TET1: variants seen among roughly 807,000 people sequenced by gnomAD.
TET1 encodes methylcytosine dioxygenase TET1.
A neutral mutation model predicts 148.7 loss-of-function variants in TET1; 13 were observed. The ratio of observed to expected loss-of-function variants is 0.09; its 90% CI spans 0.06 to 0.14. TET1 has a LOEUF of 0.14. TET1 is among the 10% of genes least tolerant of loss of function. TET1 has a pLI of 1.00. For missense variants in TET1, 2,182 were observed against 2,553.8 expected, an observed-to-expected ratio of 0.85 and a Z score of 3.14; for synonymous variants, 907 against 937.2, an observed-to-expected ratio of 0.97 and a Z score of 0.59.
At chr10:68,632,348 G>T (rs10823241) in intron 3 of TET1, 586,169 of 1,559,676 alleles carry the variant, frequency 0.38, 114,923 homozygotes, top group Non-Finnish European at 0.4. Context: ...GTGCAGGGCG[G>T]GTGGAGTCGC....
chr10:68,626,109 A>G (rs796752556), intron 3 of TET1, among the ~76,000 whole-genome samples: 1 of 9,516 alleles, frequency 1.1e-4, no homozygotes, highest in Non-Finnish European at 2.2e-4. Context: ...AAAAAAAAAA[A>G]GAAAAGAAAA....
chr10:68,633,198 C>CAA (rs2054602251), intron 3 of TET1, among the ~76,000 whole-genome samples: 4 of 151,684 alleles, frequency 2.6e-5, no homozygotes, highest in Admixed American at 2.6e-4. Flanking sequence ...AAAACAAAAA[C>CAA]AAAAAAACAA....
chr10:68,682,260 C>T (rs756857431), intron 9 of TET1, among the ~76,000 whole-genome samples: 21 of 151,278 alleles, frequency 1.4e-4, no homozygotes, highest in Admixed American at 2.6e-4. Flanking sequence ...TACAGGCATG[C>T]GCCACCACAC....
At chr10:68,676,472 A>T (rs2055364024) in intron 8 of TET1, among the ~76,000 whole-genome samples, 1 of 150,090 alleles carries the variant, frequency 6.7e-6, no homozygotes, top group Non-Finnish European at 1.5e-5. Flanking sequence ...TTTAGTAGAG[A>T]TGGGGTTTCA....
chr10:68,691,482 C>T lies in TET1; in HGVS notation c.6079C>T (p.Leu2027=). The change falls in exon 12 of 12, where the codon CTG becomes TTG. Residue 2027 remains leucine (L), a synonymous_variant. Transcript: ENST00000373644. The surrounding 1 kb of genome is among the most constrained non-coding windows in gnomAD (Gnocchi z 4.4). The part of the protein sequence containing the change: ...SVLIECARRE[L]HATTPVEHPN... ...TTTGATTGAGTGTGCCCGGCGAGAGCTGCACGCTACCACTCCTGTTGAGCA... is the reference window on the plus strand; with the variant it reads ...TTTGATTGAGTGTGCCCGGCGAGAGTTGCACGCTACCACTCCTGTTGAGCA... The T allele has an allele frequency of 6.2e-7, 1 of 1,614,078 alleles. No homozygotes were observed. Among genetic ancestry groups the T allele is most frequent in the Non-Finnish European group, 8.5e-7 (1 of 1,180,026 alleles).
At chr10:68,622,220 T>G (rs2054385675) in intron 3 of TET1, among the ~76,000 whole-genome samples, 1 of 80,524 alleles carries the variant, frequency 1.2e-5, no homozygotes, top group South Asian at 4.5e-4. Flanking sequence ...CTTCCTTCCT[T>G]CCCTCCTTCC....
intron 11 of TET1, among the ~76,000 whole-genome samples, chr10:68,688,131 C>T (rs774991641): frequency 2.6e-5 from 4 of 152,162 alleles, no homozygotes; most frequent in Non-Finnish European, 2.9e-5. Flanking sequence ...GAGTCTCACT[C>T]TGTCACCCAG....
At chr10:68,624,397 CTCCTGCCTCAG>C (rs2054421621) in intron 3 of TET1, among the ~76,000 whole-genome samples, 1 of 152,158 alleles carries the variant, frequency 6.6e-6, no homozygotes, top group South Asian at 2.1e-4. Flanking sequence ...TCAAGCAATT[CTCCTGCCTCAG>C]CCTTCCGAGT....
chr10:68,674,183 C>T (rs35576568), intron 8 of TET1, among the ~76,000 whole-genome samples: 16,034 of 151,828 alleles, frequency 0.11, 1,043 homozygotes, highest in South Asian at 0.18. Context: ...AGGCTAATCT[C>T]GAACTCCGGA....
chr10:68,663,663 A>G (rs1411528910), intron 6 of TET1, among the ~76,000 whole-genome samples: 1 of 152,264 alleles, frequency 6.6e-6, no homozygotes, highest in Admixed American at 6.5e-5. Context: ...TGAATATAGT[A>G]GAAAAATAAT....
chr10:68,663,307 T>G (rs544274697), intron 6 of TET1, among the ~76,000 whole-genome samples: 1 of 152,354 alleles, frequency 6.6e-6, no homozygotes, highest in African/African-American at 2.4e-5. Flanking sequence ...CTGAACTTTC[T>G]TTTATAACCT....
At position 68,574,035 on chromosome 10, in the gene TET1, T is replaced by G; in HGVS notation, c.1697T>G (p.Val566Gly). Residue 566 changes from valine to glycine, a missense_variant, in exon 2 of 12, where the codon GTG becomes GGG. Transcript: ENST00000373644. ...AACACCACAGTGGTGACTATGCCAGTGCCAATGGTCAGTACCTCCTCTTCT... is the reference window on the plus strand; with the variant it reads ...AACACCACAGTGGTGACTATGCCAGGGCCAATGGTCAGTACCTCCTCTTCT... The part of the protein sequence containing the change: ...VVNTTVVTMP[V>G]PMVSTSSSSY... The G allele has an allele frequency of 6.2e-7, 1 of 1,614,142 alleles. No individual in the cohort carries two copies. Among genetic ancestry groups the G allele is most frequent in the South Asian group, 1.1e-5 (1 of 91,082 alleles).
rs34385747 is a variant in TET1, at chr10:68,569,166, CTTTTTTTTTTTTTT to C, written c.-122-3040_-122-3027del. Among the ~76,000 whole-genome samples, 5 of 69,778 alleles carry C rather than the reference CTTTTTTTTTTTTTT, an allele frequency of 7.2e-5. 1 individual carries two copies. The highest frequency in any genetic ancestry group is 4.8e-4 in the East Asian group (1 of 2,100). The allele number at this position is 69,778 out of a possible 152,430, so 45.8% of individuals were successfully genotyped here. A position where few individuals can be genotyped will look rare whatever the true frequency, so the allele number is the denominator to read the frequency against. ...GCTGGATCTCCAGGCAGGAGAGTTT[CTTTTTTTTTTTTTT>C]TTTTTTTTTTGAGATGGAGTCTAGC... is the stretch of plus-strand genomic sequence containing the variant. On this transcript the variant is annotated intron_variant, in intron 1 of 11. Transcript: ENST00000373644.
intron 3 of TET1, among the ~76,000 whole-genome samples, chr10:68,633,630 T>C (rs1040588156): frequency 4.6e-5 from 7 of 152,040 alleles, no homozygotes; most frequent in African/African-American, 1.7e-4. Context: ...GGTTTCACCA[T>C]ATTGAAGGTG....
At chr10:68,655,056 C>G (rs1243081080) in intron 6 of TET1, among the ~76,000 whole-genome samples, 1 of 152,168 alleles carries the variant, frequency 6.6e-6, no homozygotes, top group African/African-American at 2.4e-5. Flanking sequence ...TTCATCACCT[C>G]AAGAGGTTGA....
At chr10:68,660,713 T>G (rs1415636342) in intron 6 of TET1, among the ~76,000 whole-genome samples, 1 of 151,418 alleles carries the variant, frequency 6.6e-6, no homozygotes, top group Middle Eastern at 3.2e-3. Flanking sequence ...CAGGCTGGAG[T>G]GCAATGACGC....
intron 2 of TET1, among the ~76,000 whole-genome samples, chr10:68,581,489 T>C (rs1298167851): frequency 6.6e-6 from 1 of 151,762 alleles, no homozygotes; most frequent in Admixed American, 6.6e-5. Flanking sequence ...CATTAGAGAG[T>C]AGGTGCTTTG....
chr10:68,637,218 C>G (rs139735849), intron 3 of TET1, among the ~76,000 whole-genome samples: 1 of 151,942 alleles, frequency 6.6e-6, no homozygotes, highest in Non-Finnish European at 1.5e-5. Context: ...AGGCTGGTCT[C>G]GAACTCCTGA....
chr10:68,574,965 A>G (rs1280909897), intron 2 of TET1, among the ~76,000 whole-genome samples: 1 of 152,222 alleles, frequency 6.6e-6, no homozygotes, highest in Non-Finnish European at 1.5e-5. Context: ...GTTAAAACCC[A>G]GTATTGCTTT....
Sources: gnomAD v4.1 joint callset for allele counts (sites outside exome capture counted in the v4.1 genomes callset) on GRCh38, gnomAD v4.1.1 for gene constraint, Gnocchi (gnomAD v3.1) non-coding constraint, MANE v1.5 for transcripts, NCBI Gene and HGNC (gene_info 2026-07-23, HGNC 2026-07-21) for gene names.